The following DNAJB6 variants were observed in gnomAD, a reference collection of about 807,000 sequenced individuals.
DNAJB6 encodes dnaJ homolog subfamily B member 6.
A neutral mutation model predicts 42.7 loss-of-function variants in DNAJB6; 16 were observed. That is an observed-to-expected ratio of 0.37 (90% confidence interval 0.25 to 0.57). DNAJB6 has a LOEUF of 0.57. Among genes scored for constraint, DNAJB6 ranks in the 20% least tolerant of loss-of-function variants. DNAJB6 has a pLI of 0.74. For synonymous variants in DNAJB6, 170 were observed against 163.5 expected (o/e 1.04, Z -0.30); for missense variants, 347 against 416.8 (o/e 0.83, Z 1.46).
At chr7:157,399,507 C>G (rs1480515274) in intron 8 of DNAJB6, among the ~76,000 whole-genome samples, 1 of 152,350 alleles carries the variant, frequency 6.6e-6, no homozygotes, top group Middle Eastern at 3.4e-3. Context: ...GCGCTCAGTG[C>G]TGGGATGGCG....
At chr7:157,344,211 G>T (rs1798565888) in intron 1 of DNAJB6, among the ~76,000 whole-genome samples, 1 of 152,150 alleles carries the variant, frequency 6.6e-6, no homozygotes, top group East Asian at 1.9e-4. Flanking sequence ...CGTGGTGACA[G>T]GTGCCTGTAG....
At chr7:157,369,962 G>GGGCCCTTTCTTAACATTATTATTAAACA (rs1800086425) in intron 5 of DNAJB6, among the ~76,000 whole-genome samples, 2 of 121,454 alleles carry the variant, frequency 1.6e-5, no homozygotes, top group African/African-American at 6.7e-5. Flanking sequence ...ATTATTAAAC[G>GGGCCCTTTCTTAACATTATTATTAAACA]GGCCCTTTCT....
intron 2 of DNAJB6, among the ~76,000 whole-genome samples, chr7:157,360,701 C>CT (rs1799540518): frequency 6.6e-6 from 1 of 152,152 alleles, no homozygotes; most frequent in Non-Finnish European, 1.5e-5. Context: ...TGGGGGCGTG[C>CT]TGTTAGTCTA....
chr7:157,338,541 G>C (rs1212603223), intron 1 of DNAJB6, among the ~76,000 whole-genome samples: 1 of 152,132 alleles, frequency 6.6e-6, no homozygotes, highest in Non-Finnish European at 1.5e-5. Context: ...CACCGTGTTG[G>C]TCAGGCTGGT....
chr7:157,343,058 C>A (rs957872569), intron 1 of DNAJB6, among the ~76,000 whole-genome samples: 1 of 151,356 alleles, frequency 6.6e-6, no homozygotes, highest in Admixed American at 6.6e-5. Context: ...GCGGCGTGAT[C>A]TTGGCTCACT....
chr7:157,390,653 C>G (rs1217773735), intron 8 of DNAJB6, among the ~76,000 whole-genome samples: 1 of 152,094 alleles, frequency 6.6e-6, no homozygotes, highest in East Asian at 1.9e-4. Flanking sequence ...TGGTTTGCTT[C>G]CCGTGTGGTC....
intron 6 of DNAJB6, among the ~76,000 whole-genome samples, chr7:157,383,611 T>TGTG (rs1800898403): frequency 2.0e-5 from 3 of 149,570 alleles, no homozygotes; most frequent in African/African-American, 7.4e-5. Flanking sequence ...GTATGTGTGT[T>TGTG]TGTGTGTGTG....
chr7:157,346,620 T>C (rs1010389964), intron 1 of DNAJB6, among the ~76,000 whole-genome samples: 2 of 152,210 alleles, frequency 1.3e-5, no homozygotes, highest in Non-Finnish European at 2.9e-5. Flanking sequence ...GAAATACTGA[T>C]AGAAATGTAT....
intron 1 of DNAJB6, among the ~76,000 whole-genome samples, chr7:157,338,044 G>C (rs1470629846): frequency 1.3e-5 from 2 of 152,166 alleles, no homozygotes; most frequent in African/African-American, 4.8e-5. Flanking sequence ...GCTGAGCGGC[G>C]CTCTTTGTAG....
rs563388542 is a variant in DNAJB6, at chr7:157,343,535, C to G, written c.-27+6391C>G. On this transcript the variant is annotated intron_variant, in intron 1 of 9. Transcript: ENST00000262177. ...CCCGGCTGGAGTGCTGTGGTGTGATCTCAGCTCACTGCAAACTCTCCCGGG... is the reference window on the plus strand; with the variant it reads ...CCCGGCTGGAGTGCTGTGGTGTGATGTCAGCTCACTGCAAACTCTCCCGGG... Among the ~76,000 whole-genome samples, 4 of 152,120 alleles carry G rather than the reference C, an allele frequency of 2.6e-5. No homozygotes were observed. In the South Asian group the frequency reaches 8.3e-4, roughly 32 times the overall value.
At chr7:157,390,589 T>C (rs994345904) in intron 8 of DNAJB6, among the ~76,000 whole-genome samples, 2 of 152,162 alleles carry the variant, frequency 1.3e-5, no homozygotes, top group Non-Finnish European at 2.9e-5. Flanking sequence ...GCTGAAACAT[T>C]GTTGCAGAAA....
intron 1 of DNAJB6, among the ~76,000 whole-genome samples, chr7:157,351,634 AAACAACAACAAC>A (rs199667104): frequency 1.0e-5 from 1 of 99,362 alleles, no homozygotes; most frequent in South Asian, 3.3e-4. Context: ...CTCTGTCTCA[AAACAACAACAAC>A]AACAACAACA....
chr7:157,373,736 G>A (rs756492473), intron 5 of DNAJB6, among the ~76,000 whole-genome samples: 1 of 152,148 alleles, frequency 6.6e-6, no homozygotes, highest in Non-Finnish European at 1.5e-5. Flanking sequence ...GGTGTGTGCT[G>A]GTGACCTGGA....
intron 2 of DNAJB6, among the ~76,000 whole-genome samples, chr7:157,360,415 T>G (rs1799522826): frequency 6.6e-6 from 1 of 152,162 alleles, no homozygotes; most frequent in Admixed American, 6.5e-5. Flanking sequence ...GAGATTTGGG[T>G]GGGGACATAG....
At chr7:157,357,212 G>GTT (rs1554454979) in intron 1 of DNAJB6, among the ~76,000 whole-genome samples, 32 of 61,834 alleles carry the variant, frequency 5.2e-4, no homozygotes, top group Middle Eastern at 7.4e-3. Context: ...TGATACTGTT[G>GTT]TCCTTCCTTC....
intron 5 of DNAJB6, among the ~76,000 whole-genome samples, chr7:157,368,354 A>G (rs974498540): frequency 1.3e-5 from 2 of 152,204 alleles, no homozygotes; most frequent in Admixed American, 6.5e-5. Context: ...TTGCCACATC[A>G]TATTCCTGGT....
chr7:157,342,399 G>A (rs2116854661), intron 1 of DNAJB6, among the ~76,000 whole-genome samples: 1 of 136,590 alleles, frequency 7.3e-6, no homozygotes, highest in East Asian at 2.3e-4. Flanking sequence ...GTGCAGTGGT[G>A]CAATCTCAGC....
chr7:157,376,971 G>T (rs1056222790), intron 5 of DNAJB6, among the ~76,000 whole-genome samples: 6 of 152,168 alleles, frequency 3.9e-5, no homozygotes, highest in Non-Finnish European at 8.8e-5. Flanking sequence ...GTTGGTGAAT[G>T]AAAACATTTT....
At chr7:157,401,364 C>T (rs770637704) in intron 8 of DNAJB6, among the ~76,000 whole-genome samples, 7 of 152,038 alleles carry the variant, frequency 4.6e-5, no homozygotes, top group South Asian at 4.1e-4. Flanking sequence ...TACAGGCACG[C>T]GCCACCACAC....
Sources: allele counts gnomAD v4.1 joint callset (sites outside exome capture counted in the v4.1 genomes callset), GRCh38; gene constraint gnomAD v4.1.1; transcripts MANE v1.5; gene names NCBI Gene and HGNC (gene_info 2026-07-23, HGNC 2026-07-21).